CRYGA: variants seen among roughly 807,000 people sequenced by gnomAD.
The protein encoded by CRYGA is gamma-crystallin A.
CRYGA carries 11 observed loss-of-function variants against 13.8 expected under a neutral mutation model. The ratio of observed to expected loss-of-function variants is 0.80; its 90% CI spans 0.50 to 1.32. The LOEUF (loss-of-function observed/expected upper bound fraction) is 1.32. Among genes scored for constraint, CRYGA ranks in the 40% most tolerant of loss-of-function variants. The pLI is 0.00. For synonymous variants in CRYGA, 97 were observed against 89.3 expected, an observed-to-expected ratio of 1.09 and a Z score of -0.48; for missense variants, 271 against 234.1, an observed-to-expected ratio of 1.16 and a Z score of -1.03.
At chr2:208,161,993 G>T (rs1309304814) in intron 2 of CRYGA, among the ~76,000 whole-genome samples, 2 of 152,056 alleles carry the variant, frequency 1.3e-5, no homozygotes, top group East Asian at 1.9e-4. Flanking sequence ...CTGGAGTGCA[G>T]TGGCATGATC....
chr2:208,160,886 G>C lies in CRYGA; in HGVS notation c.443C>G (p.Pro148Arg), dbSNP rs763049410. The C allele has an allele frequency of 8.1e-5, 130 of 1,612,794 alleles. No homozygotes were observed. The highest frequency in any genetic ancestry group is 1.1e-4 in the Non-Finnish European group (124 of 1,179,016). The change falls in exon 3 of 3, where the codon CCT (proline) becomes CGT (arginine). Residue 148 changes from proline to arginine, a missense_variant. Pro to Arg is a moderately radical substitution (Grantham distance 103). Transcript: ENST00000304502. ...NYRGRQYLLR[P>R]GDYRRYHDWG... ...GTCGTGGTACCTTCTGTAGTCCCCA[G>C]GCCTCAGCAGATACTGCCGCCCCCG...
chr2:208,163,513 C>G (rs754681469), intron 1 of CRYGA, 35 bp downstream of exon 1: 6 of 1,611,506 alleles, frequency 3.7e-6, no homozygotes, highest in Non-Finnish European at 5.1e-6. Flanking sequence ...CCACAGACCC[C>G]CAATAGACAT....
intron 2 of CRYGA, among the ~76,000 whole-genome samples, chr2:208,162,056 C>T (rs62194804): frequency 0.15 from 22,453 of 152,044 alleles, 1,771 homozygotes; most frequent in Admixed American, 0.18. Context: ...CCTGTCTTAG[C>T]CTCCTGCTTA....
intron 2 of CRYGA, 70 bp from the exon 3 acceptor site, chr2:208,161,146 A>G (rs1350302383): frequency 6.3e-6 from 9 of 1,418,746 alleles, no homozygotes; most frequent in Non-Finnish European, 8.8e-6. Flanking sequence ...AAAGTGACAC[A>G]ATCAGTCTGC....
chr2:208,162,630 G>A (rs749072628), intron 2 of CRYGA, among the ~76,000 whole-genome samples: 1,879 of 151,426 alleles, frequency 0.012, 15 homozygotes, highest in Middle Eastern at 0.031. Context: ...GGCCGAGGTC[G>A]GGAGTTCGAG....
chr2:208,161,691 T>C (rs997380409), intron 2 of CRYGA, among the ~76,000 whole-genome samples: 10 of 152,232 alleles, frequency 6.6e-5, no homozygotes, highest in African/African-American at 2.4e-4. Flanking sequence ...AGTGAGTCTG[T>C]AGTGAGGATT....
chr2:208,162,860 T>C (rs1005488989), intron 2 of CRYGA, among the ~76,000 whole-genome samples: 2 of 151,284 alleles, frequency 1.3e-5, no homozygotes, highest in Non-Finnish European at 2.9e-5. Flanking sequence ...AAAAAAATTA[T>C]CTAGATAAAC....
chr2:208,162,074 C>G (rs1695770333), intron 2 of CRYGA, among the ~76,000 whole-genome samples: 1 of 152,090 alleles, frequency 6.6e-6, no homozygotes, highest in South Asian at 2.1e-4. Flanking sequence ...TTAGCTAGGA[C>G]TACAGGCATG....
At chr2:208,163,147 A>G (rs796279) in intron 2 of CRYGA, 57 bp downstream of exon 2, 167,676 of 1,469,184 alleles carry the variant, frequency 0.11, 16,335 homozygotes, top group East Asian at 0.55. Flanking sequence ...ATAAACAGGA[A>G]TTGATGGCCA....
intron 2 of CRYGA, 151 bp downstream of exon 2, chr2:208,163,053 T>A (rs1345577314): frequency 3.1e-6 from 1 of 318,134 alleles, no homozygotes. Context: ...TTATTGTTAC[T>A]TTTTTTTTTT....
At position 208,163,194 on chromosome 2, in the gene CRYGA, C is replaced by A. The variant is rs1373216323; in HGVS notation, c.252+10G>T. On this transcript the variant is annotated intron_variant, in intron 2 of 2. Coordinates refer to ENST00000304502, the MANE Select transcript of CRYGA (RefSeq NM_014617.4). ...TGCTTTCACATCAGTCAAGTTGAAG[C>A]AAGACTCACATGAGGAATTATACGG... The A allele has an allele frequency of 1.9e-6, 3 of 1,608,116 alleles. No homozygotes were observed. Among genetic ancestry groups the A allele is most frequent in the Non-Finnish European group, 2.6e-6 (3 of 1,176,270 alleles).
At position 208,163,276 on chromosome 2, in the gene CRYGA, T is replaced by A; in HGVS notation, c.180A>T (p.Arg60=). Reference sequence around the variant, plus strand: ...AGTGCTGATAGTCGGGGTACTTGCCTCGGCGCAGGAAGTACTGGTGGCCCT... The same window carrying A: ...AGTGCTGATAGTCGGGGTACTTGCCACGGCGCAGGAAGTACTGGTGGCCCT... ...NYQGHQYFLR[R]GKYPDYQHWM... The change falls in exon 2 of 3, where the codon CGA becomes CGT. Residue 60 remains arginine, a synonymous_variant. Transcript: ENST00000304502. 6.2e-7 allele frequency: 1 copy of A among 1,614,044 alleles called. No individual in the cohort carries two copies. The highest frequency in any genetic ancestry group is 8.5e-7 in the Non-Finnish European group (1 of 1,180,026).
intron 2 of CRYGA, 152 bp downstream of exon 2, chr2:208,163,052 C>T: frequency 1.9e-6 from 1 of 518,982 alleles, no homozygotes; most frequent in Non-Finnish European, 3.3e-6. Flanking sequence ...ATTATTGTTA[C>T]TTTTTTTTTT....
chr2:208,161,127 G>A, intron 2 of CRYGA, 51 bp from the exon 3 acceptor site: 1 of 1,567,082 alleles, frequency 6.4e-7, no homozygotes, highest in South Asian at 1.1e-5. Flanking sequence ...GCATCCTTGG[G>A]TGTCAACGAA....
intron 2 of CRYGA, 31 bp from the exon 3 acceptor site, chr2:208,161,107 T>C (rs766289717): frequency 1.9e-6 from 3 of 1,605,332 alleles, no homozygotes; most frequent in African/African-American, 1.3e-5. Context: ...AGAACAAAAA[T>C]AAACAGCATG....
At chr2:208,162,127 G>A (rs1181995412) in intron 2 of CRYGA, among the ~76,000 whole-genome samples, 1 of 151,988 alleles carries the variant, frequency 6.6e-6, no homozygotes, top group African/African-American at 2.4e-5. Context: ...GGTAGAGACA[G>A]GGTTTCACCA....
In CRYGA at chr2:208,160,899, A is replaced by G. The variant is rs774692409; in HGVS notation, c.430T>C (p.Tyr144His). ...CTGTAGTCCCCAGGCCTCAGCAGAT[A>G]CTGCCGCCCCCGGTAGTTGGGCATT... ...YEMPNYRGRQYLLRPGDYRRY... is the reference protein window; with the variant it reads ...YEMPNYRGRQHLLRPGDYRRY... Residue 144 changes from tyrosine (Y) to histidine (H), a missense_variant, in exon 3 of 3, where the codon TAT becomes CAT. By Grantham distance (83) the Tyr-to-His change is moderately conservative. Coordinates refer to ENST00000304502, the MANE Select transcript of CRYGA (RefSeq NM_014617.4). 44 of 1,613,206 alleles carry G rather than the reference A, an allele frequency of 2.7e-5. No individual in the cohort carries two copies. Among genetic ancestry groups the G allele is most frequent in the Non-Finnish European group, 3.5e-5 (41 of 1,179,418 alleles).
Position 208,160,778 on chromosome 2 carries a change from G to C in CRYGA, c.*26C>G. On this transcript the variant is annotated 3_prime_UTR_variant, in exon 3 of 3. Transcript: ENST00000304502. ...ACTTGTATATTTATTATGTTTCTAT[G>C]GGGATCACAACAAGGCAGGCACAGC... 1 of 1,443,190 alleles carries C rather than the reference G, an allele frequency of 6.9e-7. No individual in the cohort carries two copies. The highest frequency in any genetic ancestry group is 9.6e-7 in the Non-Finnish European group (1 of 1,040,212). 89.4% of individuals were successfully genotyped at this position (1,443,190 alleles called of 1,614,324 possible).
intron 2 of CRYGA, among the ~76,000 whole-genome samples, chr2:208,162,518 T>C (rs886607035): frequency 3.3e-5 from 5 of 152,230 alleles, no homozygotes; most frequent in Non-Finnish European, 5.9e-5. Flanking sequence ...GAATACATTA[T>C]ACCTATATTG....
Sources: gnomAD v4.1 joint callset for allele counts (sites outside exome capture counted in the v4.1 genomes callset) on GRCh38, gnomAD v4.1.1 for gene constraint, MANE v1.5 for transcripts, NCBI Gene and HGNC (gene_info 2026-07-23, HGNC 2026-07-21) for gene names.